The following CASP5 variants were observed in gnomAD, a reference collection of about 807,000 sequenced individuals.
CASP5 encodes caspase 5, also known as caspase-5.
In CASP5, 42 loss-of-function variants were observed where a neutral mutation model predicts 45.2. The ratio of observed to expected loss-of-function variants is 0.93; its 90% CI spans 0.73 to 1.20. CASP5 has a LOEUF of 1.20. Ranked by LOEUF, CASP5 falls within the 50% of genes most tolerant of loss-of-function variation. CASP5 has a pLI of 0.00. For synonymous variants in CASP5, 209 were observed against 186.2 expected (o/e 1.12, Z -1.00); for missense variants, 512 against 532.2 (o/e 0.96, Z 0.37).
intron 1 of CASP5, among the ~76,000 whole-genome samples, chr11:105,015,950 C>T (rs1351939057): frequency 6.6e-6 from 1 of 151,898 alleles, no homozygotes; most frequent in East Asian, 1.9e-4. Context: ...AAAAATCGTG[C>T]CTTAGAGTGA....
chr11:104,997,700 G>T (rs1211186762), intron 7 of CASP5, among the ~76,000 whole-genome samples: 5 of 152,184 alleles, frequency 3.3e-5, no homozygotes, highest in African/African-American at 1.2e-4. Flanking sequence ...GCAAGAGATT[G>T]CATAGTGATT....
chr11:105,002,180 C>G lies in CASP5; in HGVS notation c.565G>C (p.Glu189Gln). The G allele has an allele frequency of 6.2e-7, 1 of 1,614,038 alleles. No individual in the cohort carries two copies. The highest frequency in any genetic ancestry group is 8.5e-7 in the Non-Finnish European group (1 of 1,179,988). ...HDEIYPIKKR[E>Q]DRRRLALIIC... Reference sequence around the variant, plus strand: ...ATGAGAGCCAGGCGTCTGCGGTCCTCTCTCTTTTTTATTGGATAGATCTGC... The same window carrying G: ...ATGAGAGCCAGGCGTCTGCGGTCCTGTCTCTTTTTTATTGGATAGATCTGC... Residue 189 changes from glutamate (E) to glutamine (Q), a missense_variant, in exon 5 of 10, where the codon GAG becomes CAG. Physicochemically the swap from Glu to Gln is conservative, Grantham distance 29. Coordinates refer to ENST00000260315, the MANE Select transcript of CASP5 (RefSeq NM_004347.5).
rs576513280 is a variant in CASP5 at position 105,000,288 on chromosome 11, C to T, written c.925G>A (p.Val309Ile). 2.5e-5 allele frequency: 40 copies of T among 1,614,230 alleles called. No homozygotes were observed. The South Asian group carries it at 2.5e-4, about 10-fold the overall frequency. Residue 309 changes from valine to isoleucine, a missense_variant, in exon 6 of 10, where the codon GTC becomes ATC. By Grantham distance (29) the Val-to-Ile change is conservative (BLOSUM62 3). Coordinates refer to ENST00000260315, the MANE Select transcript of CASP5 (RefSeq NM_004347.5). ...CCTCTGCAGGCCTGGACAATGATGA[C>T]CTTGGGTTTGTCCTTTAGACTGAGG... ...NCLSLKDKPK[V>I]IIVQACRGEK...
intron 3 of CASP5, among the ~76,000 whole-genome samples, chr11:105,004,444 A>G (rs1283803386): frequency 1.3e-5 from 2 of 152,184 alleles, no homozygotes; most frequent in Non-Finnish European, 1.5e-5. Flanking sequence ...CTCCTTCTGG[A>G]AAAGAAAAAG....
chr11:105,000,962 A>G (rs866070215), intron 5 of CASP5, among the ~76,000 whole-genome samples: 13 of 152,092 alleles, frequency 8.5e-5, no homozygotes, highest in African/African-American at 3.1e-4. Flanking sequence ...TGTGCCTCAC[A>G]TGTGCCAGTT....
At chr11:105,021,179 A>C (rs1473927442) in intron 1 of CASP5, among the ~76,000 whole-genome samples, 2 of 151,890 alleles carry the variant, frequency 1.3e-5, no homozygotes, top group African/African-American at 4.8e-5. Context: ...TAAAGACTTA[A>C]AAGTTAGACC....
At chr11:104,999,119 A>G (rs1423554992) in intron 6 of CASP5, 91 bp from the exon 7 acceptor site, 1 of 1,146,872 alleles carries the variant, frequency 8.7e-7, no homozygotes, top group Non-Finnish European at 1.2e-6. Flanking sequence ...ATAGTTACGC[A>G]TGTACCATTG....
At position 104,998,955 on chromosome 11, in the gene CASP5, G is replaced by C. The variant is rs1451535859; in HGVS notation, c.1026C>G (p.Asn342Lys). Residue 342 changes from asparagine to lysine, a missense_variant, in exon 7 of 10, where the codon AAC (asparagine) becomes AAG (lysine). Physicochemically the swap from Asn to Lys is moderately conservative, Grantham distance 94. Coordinates refer to ENST00000260315, the MANE Select transcript of CASP5 (RefSeq NM_004347.5). ...LALISSQSSE[N>K]LEADSVCKIH... is the part of the protein sequence containing the mutation. ...TCTTGCAAACAGAATCTGCCTCCAG[G>C]TTCTCAGATGACTGTGAAGAGATGA... The C allele has an allele frequency of 6.2e-7, 1 of 1,613,300 alleles. No individual in the cohort carries two copies. Among genetic ancestry groups the C allele is most frequent in the Non-Finnish European group, 8.5e-7 (1 of 1,179,304 alleles).
chr11:105,022,882 A>G (rs996778113), intron 1 of CASP5, among the ~76,000 whole-genome samples: 1 of 152,222 alleles, frequency 6.6e-6, no homozygotes, highest in South Asian at 2.1e-4. Context: ...TCTCTCTTTG[A>G]TTACCAGAAG....
intron 7 of CASP5, among the ~76,000 whole-genome samples, chr11:104,998,049 A>C (rs1214573873): frequency 6.6e-6 from 1 of 152,208 alleles, no homozygotes; most frequent in Admixed American, 6.5e-5. Flanking sequence ...ATACTTAAAA[A>C]TTTGCAGAGA....
rs199722320 is a variant in CASP5, at chr11:105,008,957, G to A, written c.31C>T (p.Arg11Cys). ...TTGAACATAGCTTCAAAATTCTTAC[G>A]CCTTTTTTTTTTGCCACTGTCTTCT... The part of the protein sequence containing the change: MAEDSGKKKR[R>C]KNFEAMFKGI... The change falls in exon 2 of 10, where the codon CGT becomes TGT. Residue 11 changes from arginine (R) to cysteine (C), a missense_variant. Transcript: ENST00000260315. 3.1e-5 allele frequency: 50 copies of A among 1,601,542 alleles called. No individual in the cohort carries two copies. In the East Asian group the frequency reaches 4.7e-4, roughly 15 times the overall value.
At chr11:105,005,764 C>G (rs915283979) in intron 3 of CASP5, among the ~76,000 whole-genome samples, 1 of 152,086 alleles carries the variant, frequency 6.6e-6, no homozygotes, top group African/African-American at 2.4e-5. Flanking sequence ...CATTTTGAAG[C>G]CCGTATTGCT....
chr11:105,011,702 A>C (rs1271878345), intron 1 of CASP5, among the ~76,000 whole-genome samples: 1 of 151,776 alleles, frequency 6.6e-6, no homozygotes, highest in Non-Finnish European at 1.5e-5. Flanking sequence ...GGCTATAAAA[A>C]AATTTCATGA....
intron 8 of CASP5, 136 bp downstream of exon 8, chr11:104,997,247 C>T (rs1035096450): frequency 4.6e-6 from 3 of 654,698 alleles, no homozygotes; most frequent in Non-Finnish European, 8.3e-6. Flanking sequence ...ATTTTAAACA[C>T]CTGAATGACA....
At chr11:105,007,987 C>A (rs1862092624) in intron 2 of CASP5, among the ~76,000 whole-genome samples, 1 of 152,086 alleles carries the variant, frequency 6.6e-6, no homozygotes, top group South Asian at 2.1e-4. Context: ...ATCATAACTA[C>A]TCTAGCATGG....
intron 1 of CASP5, among the ~76,000 whole-genome samples, chr11:105,017,935 C>T (rs146317841): frequency 0.093 from 14,123 of 152,066 alleles, 960 homozygotes; most frequent in Admixed American, 0.21. Flanking sequence ...AAAGAGAAGC[C>T]CATCAGACTA....
chr11:105,022,526 C>T (rs1863024138), intron 1 of CASP5, among the ~76,000 whole-genome samples: 1 of 151,868 alleles, frequency 6.6e-6, no homozygotes, highest in Non-Finnish European at 1.5e-5. Flanking sequence ...AGACAGTTGG[C>T]CTGAAAGTAG....
At position 105,010,143 on chromosome 11, in the gene CASP5, T is replaced by A. The variant is rs77723549; in HGVS notation, c.8-1163A>T. Reference sequence around the variant, plus strand: ...CATGTCAGGACATTGAACAAAATTTTGGCCTAGAAGCACCAGACTCATTTT... The same window carrying A: ...CATGTCAGGACATTGAACAAAATTTAGGCCTAGAAGCACCAGACTCATTTT... On this transcript the variant is annotated intron_variant, in intron 1 of 9. Coordinates refer to ENST00000260315, the MANE Select transcript of CASP5 (RefSeq NM_004347.5). Among the ~76,000 whole-genome samples the A allele has an allele frequency of 4.5e-3, 679 of 150,874 alleles. 2 individuals are homozygous for A. The highest frequency in any genetic ancestry group is 6.9e-3 in the Non-Finnish European group (463 of 67,380).
At chr11:105,019,567 A>G (rs1862831593) in intron 1 of CASP5, among the ~76,000 whole-genome samples, 1 of 151,206 alleles carries the variant, frequency 6.6e-6, no homozygotes, top group East Asian at 1.9e-4. Context: ...AGAAATGGAT[A>G]AGTTTCTGGA....
Sources: allele counts gnomAD v4.1 joint callset (sites outside exome capture counted in the v4.1 genomes callset), GRCh38; gene constraint gnomAD v4.1.1; transcripts MANE v1.5; gene names NCBI Gene and HGNC (gene_info 2026-07-23, HGNC 2026-07-21).